KIF25: variants seen among roughly 807,000 people sequenced by gnomAD.
KIF25 encodes the protein kinesin family member 25, also known as kinesin-like protein KIF25.
KIF25 carries 19 observed loss-of-function variants against 32.9 expected under a neutral mutation model. The ratio of observed to expected loss-of-function variants is 0.58; its 90% CI spans 0.40 to 0.85. The LOEUF (loss-of-function observed/expected upper bound fraction) is 0.85. KIF25 is among the 40% of genes least tolerant of loss of function. The pLI, the probability that KIF25 is intolerant of heterozygous loss-of-function variation, is 0.00. For missense variants in KIF25, 485 were observed against 507.0 expected (o/e 0.96, Z 0.42); for synonymous variants, 225 against 213.7 (o/e 1.05, Z -0.46).
At chr6:168,026,923 C>A (rs1798867897) in intron 5 of KIF25, among the ~76,000 whole-genome samples, 1 of 152,154 alleles carries the variant, frequency 6.6e-6, no homozygotes, top group Non-Finnish European at 1.5e-5. Context: ...CGTTCAAGTT[C>A]AAGCATTTTT....
chr6:168,031,613 T>G (rs1040988792), intron 7 of KIF25, among the ~76,000 whole-genome samples: 13 of 152,250 alleles, frequency 8.5e-5, no homozygotes, highest in African/African-American at 2.9e-4. Flanking sequence ...CTGCTTCAAC[T>G]CTTCCTCCAG....
intron 9 of KIF25, 132 bp downstream of exon 9, chr6:168,038,861 G>C: frequency 1.2e-6 from 1 of 850,802 alleles, no homozygotes; most frequent in Non-Finnish European, 1.8e-6. Flanking sequence ...AATCGGCCGT[G>C]GTGGCCCGAT....
In KIF25 at chr6:168,006,426, T is replaced by G. The variant is rs533711964; in HGVS notation, c.-163+2723T>G. ...CAACGATCTGTTGTCTGGTTTTGAA[T>G]GTACAGTATGCTGAGGAAAGGGAGG... On this transcript the variant is annotated intron_variant, in intron 4 of 12. Coordinates refer to ENST00000643607, the MANE Select transcript of KIF25 (RefSeq NM_030615.4). Among the ~76,000 whole-genome samples the G allele has an allele frequency of 2.6e-5, 4 of 152,310 alleles. No individual in the cohort carries two copies. The South Asian group carries it at 8.3e-4, about 32-fold the overall frequency.
At chr6:168,040,018 A>T (rs1175195509) in intron 9 of KIF25, 47 bp from the exon 10 acceptor site, 1 of 1,563,828 alleles carries the variant, frequency 6.4e-7, no homozygotes, top group Non-Finnish European at 8.7e-7. Context: ...GCCTTAGGTA[A>T]GGGGGGCCGC....
Position 168,042,587 on chromosome 6 carries a change from C to G in KIF25, c.856C>G (p.Leu286Val), listed in dbSNP as rs115189192. 348 of 1,613,964 alleles carry G rather than the reference C, an allele frequency of 2.2e-4. 1 individual carries two copies. In the African/African-American group the frequency reaches 4.4e-3, roughly 20 times the overall value. ...TGTGTCTGGAGTGACCGGGTTGGCCCTGAGGGAGATGGCGTGCATCAGCCG... is the reference window on the plus strand; with the variant it reads ...TGTGTCTGGAGTGACCGGGTTGGCCGTGAGGGAGATGGCGTGCATCAGCCG... ...VGVSGVTGLA[L>V]REMACISRSL... is the part of the protein sequence containing the mutation. Residue 286 changes from leucine (L) to valine (V), a missense_variant, in exon 12 of 13, where the codon CTG (leucine) becomes GTG (valine). Physicochemically the swap from Leu to Val is conservative, Grantham distance 32. Transcript: ENST00000643607.
chr6:168,019,724 T>C (rs1255233221), intron 5 of KIF25, among the ~76,000 whole-genome samples: 3 of 152,012 alleles, frequency 2.0e-5, no homozygotes, highest in Non-Finnish European at 4.4e-5. Context: ...AAAAAGGAAG[T>C]GAACAGAGCA....
intron 4 of KIF25, among the ~76,000 whole-genome samples, chr6:168,011,359 G>A (rs1174289863): frequency 6.6e-6 from 1 of 152,154 alleles, no homozygotes; most frequent in African/African-American, 2.4e-5. Flanking sequence ...AGACACCCTT[G>A]AGTATTTCTT....
rs748860618 is a variant in KIF25 at position 168,045,018 on chromosome 6, C to T, written c.*22C>T. 4.5e-6 allele frequency: 7 copies of T among 1,569,388 alleles called. No homozygotes were observed. In the South Asian group the frequency reaches 8.1e-5, roughly 18 times the overall value. ...TTGAATGCATTAACAAGTTTTTCTCCTAAAACTGTGTTTCTTGTCCTTGCT... is the reference window on the plus strand; with the variant it reads ...TTGAATGCATTAACAAGTTTTTCTCTTAAAACTGTGTTTCTTGTCCTTGCT... On this transcript the variant is annotated 3_prime_UTR_variant, in exon 13 of 13. Coordinates refer to ENST00000643607, the MANE Select transcript of KIF25 (RefSeq NM_030615.4).
At position 168,017,977 on chromosome 6, in the gene KIF25, C is replaced by A. The variant is rs899178173; in HGVS notation, c.-158C>A. ...CGTTTTACTCTTTTCTCTCAGGAAA[C>A]AATTCTGGTGAAATGTGATCGTCCT... On this transcript the variant is annotated 5_prime_UTR_variant, in exon 5 of 13. Coordinates refer to ENST00000643607, the MANE Select transcript of KIF25 (RefSeq NM_030615.4). 6 of 152,588 alleles carry A rather than the reference C, an allele frequency of 3.9e-5. No homozygotes were observed. The highest frequency in any genetic ancestry group is 8.8e-5 in the Non-Finnish European group (6 of 68,032). The allele number at this position is 152,588 out of a possible 1,614,324, so 9.5% of individuals were successfully genotyped here.
At chr6:168,035,849 C>T (rs1799017743) in intron 8 of KIF25, 3 of 441,504 alleles carry the variant, frequency 6.8e-6, no homozygotes, top group African/African-American at 6.0e-5. Flanking sequence ...ACCTCACCTT[C>T]GTCGTTTGCA....
intron 3 of KIF25, 51 bp downstream of exon 3, chr6:168,002,710 C>T (rs1337237441): frequency 6.6e-6 from 1 of 152,204 alleles, no homozygotes; most frequent in Non-Finnish European, 1.5e-5. Flanking sequence ...GATGACTCAA[C>T]TGCATTTCAT....
chr6:168,001,652 GCCT>G, intron 2 of KIF25, among the ~76,000 whole-genome samples: 1 of 102,638 alleles, frequency 9.7e-6, no homozygotes, highest in South Asian at 3.4e-4. Flanking sequence ...TTCAGGCGTG[GCCT>G]CGGGCAGGTG....
chr6:168,012,239 A>G (rs1258300516), intron 4 of KIF25, among the ~76,000 whole-genome samples: 2 of 152,180 alleles, frequency 1.3e-5, no homozygotes, highest in Admixed American at 1.3e-4. Flanking sequence ...TTTGGAGGTT[A>G]CATATTTCCC....
chr6:168,042,848 A>G lies in KIF25; in HGVS notation c.985+132A>G, dbSNP rs60338802. ...CACCTCCTGTGTCCTCGCTGTGGCT[A>G]GCTGGCACTCCCACGGCACGGTGGT... On this transcript the variant is annotated intron_variant, in intron 12 of 12. Transcript: ENST00000643607. 5.1e-3 allele frequency: 5,431 copies of G among 1,074,346 alleles called. 228 individuals carry two copies. In the African/African-American group the frequency reaches 0.079, roughly 16 times the overall value. The allele number at this position is 1,074,346 out of a possible 1,614,324, so 66.6% of individuals were successfully genotyped here. A position where few individuals can be genotyped will look rare whatever the true frequency, so the allele number is the denominator to read the frequency against.
chr6:167,998,780 G>C lies in KIF25; in HGVS notation c.-689G>C, dbSNP rs1049650481. ...AAAATAACTGTTCATGGCCGGGCAC[G>C]GTGGCTCATGCCTATAATCCCAGAA... On this transcript the variant is annotated 5_prime_UTR_variant, in exon 1 of 13. Coordinates refer to ENST00000643607, the MANE Select transcript of KIF25 (RefSeq NM_030615.4). 2.6e-5 allele frequency: 4 copies of C among 152,208 alleles called. No individual in the cohort carries two copies. The highest frequency in any genetic ancestry group is 5.9e-5 in the Non-Finnish European group (4 of 68,032). 9.4% of individuals were successfully genotyped at this position (152,208 alleles called of 1,614,324 possible). A position where few individuals can be genotyped will look rare whatever the true frequency, so the allele number is the denominator to read the frequency against.
intron 4 of KIF25, among the ~76,000 whole-genome samples, chr6:168,016,321 G>A (rs144653385): frequency 6.6e-6 from 1 of 152,338 alleles, no homozygotes; most frequent in Non-Finnish European, 1.5e-5. Flanking sequence ...TGACTGCCCA[G>A]TAAATACTCA....
intron 7 of KIF25, among the ~76,000 whole-genome samples, chr6:168,031,255 A>G (rs1798937843): frequency 6.6e-6 from 1 of 152,248 alleles, no homozygotes; most frequent in South Asian, 2.1e-4. Context: ...TTCTTGCAGT[A>G]TACAACTACT....
chr6:168,033,943 G>A lies in KIF25; in HGVS notation c.229G>A (p.Gly77Arg). 2 of 1,614,116 alleles carry A rather than the reference G, an allele frequency of 1.2e-6. No individual in the cohort carries two copies. Among genetic ancestry groups the A allele is most frequent in the Non-Finnish European group, 1.7e-6 (2 of 1,180,024 alleles). ...CAGCGGAAAGAGCTATACCATGCTG[G>A]GACGCCATTCGGACGACGGCCCTGT... ...TGSGKSYTML[G>R]RHSDDGPVLP... The change falls in exon 8 of 13, where the codon GGA becomes AGA. Residue 77 changes from glycine (G) to arginine (R), a missense_variant. By Grantham distance (125) the Gly-to-Arg change is moderately radical. Transcript: ENST00000643607.
At chr6:168,029,854 T>TC (rs1384463630) in intron 6 of KIF25, among the ~76,000 whole-genome samples, 177 bp downstream of exon 6, 1 of 150,858 alleles carries the variant, frequency 6.6e-6, no homozygotes, top group African/African-American at 2.4e-5. Flanking sequence ...ACCCTCTACA[T>TC]CATGCATGTG....
Sources: gnomAD v4.1 joint callset for allele counts (sites outside exome capture counted in the v4.1 genomes callset) on GRCh38, gnomAD v4.1.1 for gene constraint, MANE v1.5 for transcripts, NCBI Gene and HGNC (gene_info 2026-07-23, HGNC 2026-07-21) for gene names.